LSM2: variants seen among roughly 807,000 people sequenced by gnomAD.
LSM2 encodes U6 snRNA-associated Sm-like protein LSm2.
Under a neutral mutation model 17.0 loss-of-function variants are expected in LSM2, and 12 were observed. The observed-to-expected ratio is 0.70, with a 90% confidence interval of 0.45 to 1.14. The LOEUF (loss-of-function observed/expected upper bound fraction) is 1.14. LSM2 is among the 50% of genes most tolerant of loss of function. The pLI is 0.00. For synonymous variants in LSM2, 42 were observed against 44.5 expected (o/e 0.94, Z 0.22); for missense variants, 62 against 111.8 (o/e 0.55, Z 2.01).
Position 31,797,765 on chromosome 6 carries a change from T to C in LSM2, c.280A>G (p.Lys94Glu). Residue 94 changes from lysine (K) to glutamate (E), a missense_variant, in exon 5 of 5, where the codon AAA becomes GAA. Coordinates refer to ENST00000375661, the MANE Select transcript of LSM2 (RefSeq NM_021177.5). ...DAARKEALQQ[K>E]Q ...AAGAGGAGGAGGAGCCATCACTGTT[T>C]CTGCTGCAGGGCTTCCTTCCTTGCC... 6.2e-7 allele frequency: 1 copy of C among 1,612,858 alleles called. No individual in the cohort carries two copies. The highest frequency in any genetic ancestry group is 8.5e-7 in the Non-Finnish European group (1 of 1,180,010).
chr6:31,804,923 C>T (rs1465130026), intron 2 of LSM2, among the ~76,000 whole-genome samples: 1 of 151,716 alleles, frequency 6.6e-6, no homozygotes, highest in Non-Finnish European at 1.5e-5. Context: ...CATGCCACCA[C>T]GCCTGGCTAA....
intron 2 of LSM2, among the ~76,000 whole-genome samples, chr6:31,803,464 A>G (rs1814832102): frequency 6.6e-6 from 1 of 152,212 alleles, no homozygotes; most frequent in Non-Finnish European, 1.5e-5. Flanking sequence ...AGCCTGGACA[A>G]CAGAGTGAGA....
At chr6:31,801,252 ATTT>A (rs1214745609) in intron 2 of LSM2, among the ~76,000 whole-genome samples, 1 of 151,014 alleles carries the variant, frequency 6.6e-6, no homozygotes, top group Non-Finnish European at 1.5e-5. Flanking sequence ...GGCAATCATT[ATTT>A]TTTTTGAGAC....
chr6:31,801,750 C>T (rs1255522421), intron 2 of LSM2, among the ~76,000 whole-genome samples: 1 of 151,960 alleles, frequency 6.6e-6, no homozygotes, highest in African/African-American at 2.4e-5. Context: ...GAGCCAAGAT[C>T]GCGCCACCGC....
In LSM2 at chr6:31,800,059, G is replaced by A. The variant is rs191787075; in HGVS notation, c.72-1552C>T. On this transcript the variant is annotated intron_variant, in intron 2 of 4. Transcript: ENST00000375661. The stretch of plus-strand genomic sequence containing the variant: ...GTTATAAAATAAAATAACTGTGGCC[G>A]GGCACGGTGGCTCACGCCTATAATT... 7.1e-3 allele frequency among the ~76,000 whole-genome samples: 1,080 copies of A among 152,272 alleles called. 9 individuals are homozygous for A. Among genetic ancestry groups the A allele is most frequent in the Middle Eastern group, 0.014 (4 of 294 alleles).
intron 2 of LSM2, 48 bp downstream of exon 2, chr6:31,806,027 G>A (rs1480842620): frequency 1.3e-6 from 2 of 1,538,694 alleles, no homozygotes; most frequent in East Asian, 2.2e-5. Context: ...AGGTTCCAGG[G>A]CCCTGGGCAC....
Position 31,806,833 on chromosome 6 carries a change from CGCGAGCCCGCGCGTGGGGCGAG to C in LSM2, c.-98_-77del. 4 of 1,510,022 alleles carry C rather than the reference CGCGAGCCCGCGCGTGGGGCGAG, an allele frequency of 2.6e-6. No individual in the cohort carries two copies. The highest frequency in any genetic ancestry group is 3.5e-6 in the Non-Finnish European group (4 of 1,132,598). 93.5% of individuals were successfully genotyped at this position (1,510,022 alleles called of 1,614,324 possible). A position where few individuals can be genotyped will look rare whatever the true frequency, so the allele number is the denominator to read the frequency against. ...GCGAGCAGGTCTGGGGAAACCGAAG[CGCGAGCCCGCGCGTGGGGCGAG>C]GCGGGACCGCGCAGGCGCAGCGGGA... On this transcript the variant is annotated 5_prime_UTR_variant, in exon 1 of 5. Transcript: ENST00000375661.
chr6:31,798,351 C>T (rs1425578052), intron 3 of LSM2, 126 bp downstream of exon 3: 27 of 1,125,338 alleles, frequency 2.4e-5, no homozygotes, highest in Non-Finnish European at 3.4e-5. Flanking sequence ...GGATTACAGG[C>T]GTGAGCCACC....
chr6:31,797,569 C>T lies in LSM2; in HGVS notation c.*188G>A, dbSNP rs1019855985. 10 of 765,006 alleles carry T rather than the reference C, an allele frequency of 1.3e-5. No individual in the cohort carries two copies. The highest frequency in any genetic ancestry group is 1.9e-5 in the Non-Finnish European group (9 of 484,170). 47.4% of individuals were successfully genotyped at this position (765,006 alleles called of 1,614,324 possible). ...GAAGTTTCCCAGCCTACTTATCCTC[C>T]CCTTCTCAAGAGAGGATAGCTGTTC... On this transcript the variant is annotated 3_prime_UTR_variant, in exon 5 of 5. Transcript: ENST00000375661.
chr6:31,797,408 A>G lies in LSM2; in HGVS notation c.*349T>C, dbSNP rs928241389. On this transcript the variant is annotated 3_prime_UTR_variant, in exon 5 of 5. Coordinates refer to ENST00000375661, the MANE Select transcript of LSM2 (RefSeq NM_021177.5). ...ACCAAAACACAAATTTGCATCATAA[A>G]TTTTATTCCCGATGCGGGACAGATT... 4.2e-6 allele frequency: 1 copy of G among 236,560 alleles called. No individual in the cohort carries two copies. Among genetic ancestry groups the G allele is most frequent in the Non-Finnish European group, 8.3e-6 (1 of 120,900 alleles). The allele number at this position is 236,560 out of a possible 1,614,324, so 14.7% of individuals were successfully genotyped here.
rs1328572582 is a variant in LSM2, at chr6:31,797,418, C to T, written c.*339G>A. 4 of 255,586 alleles carry T rather than the reference C, an allele frequency of 1.6e-5. No homozygotes were observed. The highest frequency in any genetic ancestry group is 4.4e-5 in the African/African-American group (2 of 44,978). 15.8% of individuals were successfully genotyped at this position (255,586 alleles called of 1,614,324 possible). A position where few individuals can be genotyped will look rare whatever the true frequency, so the allele number is the denominator to read the frequency against. ...AAATTTGCATCATAAATTTTATTCC[C>T]GATGCGGGACAGATTCCTTCCATCC... On this transcript the variant is annotated 3_prime_UTR_variant, in exon 5 of 5. Transcript: ENST00000375661.
At chr6:31,804,510 G>A (rs747842202) in intron 2 of LSM2, among the ~76,000 whole-genome samples, 1 of 152,190 alleles carries the variant, frequency 6.6e-6, no homozygotes, top group Non-Finnish European at 1.5e-5. Flanking sequence ...ACTTAGCAGT[G>A]TTTGAGAAAT....
Position 31,806,749 on chromosome 6 carries a change from A to G in LSM2, c.3+6T>C. On this transcript the variant is annotated splice_donor_region_variant and intron_variant, in intron 1 of 4. Coordinates refer to ENST00000375661, the MANE Select transcript of LSM2 (RefSeq NM_021177.5). ...GGGCGCCCCCTTTTGACGTCACGGT[A>G]CCCACCATGGTGCTGGCGCCGCGGG... 6.2e-7 allele frequency: 1 copy of G among 1,610,274 alleles called. No homozygotes were observed. Among genetic ancestry groups the G allele is most frequent in the Non-Finnish European group, 8.5e-7 (1 of 1,178,992 alleles).
At chr6:31,805,790 A>T (rs918575251) in intron 2 of LSM2, among the ~76,000 whole-genome samples, 1 of 152,096 alleles carries the variant, frequency 6.6e-6, no homozygotes, top group African/African-American at 2.4e-5. Context: ...TTTATTGCTA[A>T]ATTTTAAAAT....
Position 31,797,678 on chromosome 6 carries a change from T to C in LSM2, c.*79A>G. ...AAAAAAACAAAACCCCTTCAAGTAT[T>C]GGGGGTTAGGGGTTCTGGGCTGGGA... On this transcript the variant is annotated 3_prime_UTR_variant, in exon 5 of 5. Transcript: ENST00000375661. 1 of 1,591,790 alleles carries C rather than the reference T, an allele frequency of 6.3e-7. No homozygotes were observed.
intron 2 of LSM2, among the ~76,000 whole-genome samples, chr6:31,798,798 G>A (rs1200845256): frequency 1.5e-5 from 2 of 134,568 alleles, no homozygotes; most frequent in African/African-American, 5.6e-5. Flanking sequence ...GTGCAGTGGT[G>A]TGATCTTGGC....
chr6:31,804,359 C>CAA (rs1169315674), intron 2 of LSM2, among the ~76,000 whole-genome samples: 6 of 84,474 alleles, frequency 7.1e-5, no homozygotes, highest in South Asian at 7.0e-4. Flanking sequence ...AACTCCATCT[C>CAA]AAAAAAAAAA....
chr6:31,803,428 G>C (rs1814830386), intron 2 of LSM2, among the ~76,000 whole-genome samples: 1 of 152,092 alleles, frequency 6.6e-6, no homozygotes, highest in African/African-American at 2.4e-5. Flanking sequence ...GAGGCTGAGT[G>C]AGCTATGGTG....
At chr6:31,799,654 CTTTTT>C (rs34573382) in intron 2 of LSM2, among the ~76,000 whole-genome samples, 1 of 136,464 alleles carries the variant, frequency 7.3e-6, no homozygotes, top group Non-Finnish European at 1.6e-5. Context: ...CCATTCCCGA[CTTTTT>C]TTTTTTTTTT....
Sources: gnomAD v4.1 joint callset for allele counts (sites outside exome capture counted in the v4.1 genomes callset) on GRCh38, gnomAD v4.1.1 for gene constraint, MANE v1.5 for transcripts, NCBI Gene and HGNC (gene_info 2026-07-23, HGNC 2026-07-21) for gene names.